TTC7B: variants seen among roughly 807,000 people sequenced by gnomAD.
The protein encoded by TTC7B is tetratricopeptide repeat domain 7B, also known as tetratricopeptide repeat protein 7B.
A neutral mutation model predicts 106.8 loss-of-function variants in TTC7B; 28 were observed. The observed-to-expected ratio is 0.26, with a 90% CI of 0.19 to 0.36. TTC7B has a LOEUF of 0.36. TTC7B is among the 10% of genes least tolerant of loss of function. The pLI is 1.00. For missense variants in TTC7B, 862 were observed against 1,076.4 expected, an observed-to-expected ratio of 0.80 and a Z score of 2.79; for synonymous variants, 405 against 430.6, an observed-to-expected ratio of 0.94 and a Z score of 0.74.
intron 3 of TTC7B, among the ~76,000 whole-genome samples, chr14:90,758,068 G>T (rs1890363345): frequency 6.6e-6 from 1 of 152,030 alleles, no homozygotes; most frequent in Admixed American, 6.5e-5. Context: ...GCCTGTGAGT[G>T]TGAACGCCTC....
At position 90,538,807 on chromosome 14, in the gene TTC7B, A is replaced by T. The variant is rs1889482832; in HGVS notation, c.*2561T>A. ...TGTGCTTGCACTAAGCAAGATGGGA[A>T]ACTGTATGGATTCCTATGATGGAAA... On this transcript the variant is annotated 3_prime_UTR_variant, in exon 20 of 20. Transcript: ENST00000328459. 2 of 152,196 alleles carry T rather than the reference A, an allele frequency of 1.3e-5. No homozygotes were observed. Among genetic ancestry groups the T allele is most frequent in the South Asian group, 4.1e-4 (2 of 4,826 alleles). 9.4% of individuals were successfully genotyped at this position (152,196 alleles called of 1,614,324 possible). A position where few individuals can be genotyped will look rare whatever the true frequency, so the allele number is the denominator to read the frequency against.
chr14:90,660,891 G>A (rs538804449), intron 9 of TTC7B, among the ~76,000 whole-genome samples: 1 of 152,364 alleles, frequency 6.6e-6, no homozygotes, highest in East Asian at 1.9e-4. Context: ...CACAGGGTGG[G>A]CATCCGAAGA....
intron 3 of TTC7B, among the ~76,000 whole-genome samples, chr14:90,777,281 G>A (rs983509892): frequency 6.6e-6 from 1 of 152,070 alleles, no homozygotes; most frequent in Non-Finnish European, 1.5e-5. Context: ...GAGATACTGG[G>A]ATAAAGGGCA....
chr14:90,598,142 C>T (rs1178873573), intron 17 of TTC7B, among the ~76,000 whole-genome samples: 1 of 152,204 alleles, frequency 6.6e-6, no homozygotes, highest in East Asian at 1.9e-4. Context: ...CAATGCGCCT[C>T]TCCCCGCAGT....
chr14:90,787,302 G>A (rs563906240), intron 1 of TTC7B, among the ~76,000 whole-genome samples: 26 of 152,280 alleles, frequency 1.7e-4, no homozygotes, highest in Middle Eastern at 3.4e-3. Context: ...GCAGCTCTTT[G>A]TAATCCACAC....
rs902316634 is a variant in TTC7B at position 90,524,922 on chromosome 14, A to T, written c.*16446T>A. 4 of 152,040 alleles carry T rather than the reference A, an allele frequency of 2.6e-5. No individual in the cohort carries two copies. Among genetic ancestry groups the T allele is most frequent in the Non-Finnish European group, 5.9e-5 (4 of 68,006 alleles). The allele number at this position is 152,040 out of a possible 1,614,324, so 9.4% of individuals were successfully genotyped here. ...AAAAACAAACAAAAAAACAAAAAAC[A>T]GCCTTATGAAGATGTGATTGGCACG... On this transcript the variant is annotated 3_prime_UTR_variant, in exon 20 of 20. Transcript: ENST00000328459.
chr14:90,677,732 A>G (rs1453471666), intron 8 of TTC7B: 1 of 431,974 alleles, frequency 2.3e-6, no homozygotes, highest in Non-Finnish European at 4.6e-6. Context: ...GGCCACACAC[A>G]CACCTTCCCT....
chr14:90,610,920 G>T, intron 16 of TTC7B, 81 bp from the exon 17 acceptor site: 1 of 884,148 alleles, frequency 1.1e-6, no homozygotes, highest in Non-Finnish European at 1.9e-6. Context: ...ACTGACTCCT[G>T]AAGGCCAATG....
Position 90,639,828 on chromosome 14 carries a change from A to G in TTC7B, c.1751+4220T>C, listed in dbSNP as rs76659767. On this transcript the variant is annotated intron_variant, in intron 15 of 19. Transcript: ENST00000328459. ...TTAGTGCATTTACACAATAAATACTATTCATTCATGCAAACCAAAGAGTCA... is the reference window on the plus strand; with the variant it reads ...TTAGTGCATTTACACAATAAATACTGTTCATTCATGCAAACCAAAGAGTCA... Among the ~76,000 whole-genome samples the G allele has an allele frequency of 1.2e-3, 177 of 152,330 alleles. 5 individuals carry two copies. The East Asian group carries it at 0.025, about 22-fold the overall frequency.
chr14:90,679,543 A>G (rs904102417), intron 8 of TTC7B, among the ~76,000 whole-genome samples: 7 of 152,182 alleles, frequency 4.6e-5, no homozygotes, highest in Admixed American at 4.6e-4. Flanking sequence ...GGGCAGTACA[A>G]TCTCCTAGCA....
intron 9 of TTC7B, among the ~76,000 whole-genome samples, chr14:90,659,839 G>A (rs1043397648): frequency 2.0e-5 from 3 of 152,140 alleles, no homozygotes; most frequent in Admixed American, 6.5e-5. Flanking sequence ...CAAGCCTCTC[G>A]CTAACATGAG....
intron 4 of TTC7B, among the ~76,000 whole-genome samples, chr14:90,739,787 T>C (rs1889686644): frequency 6.6e-6 from 1 of 152,176 alleles, no homozygotes; most frequent in African/African-American, 2.4e-5. Context: ...AACCAGCTGG[T>C]TGGCTGATGC....
chr14:90,623,101 C>T (rs1352971965), intron 15 of TTC7B, among the ~76,000 whole-genome samples: 1 of 152,168 alleles, frequency 6.6e-6, no homozygotes, highest in Non-Finnish European at 1.5e-5. Context: ...ATAGCAACTC[C>T]TCACTGAAGC....
rs141904632 is a variant in TTC7B, at chr14:90,593,502, C to T, written c.2091G>A (p.Gln697=). ...GPLHPWMTLA[Q]IWLHAAEVYI... Reference sequence around the variant, plus strand: ...GGAGGGTACCTGCATGGAGCCAGATCTGTGCCAGCGTCATCCAGGGGTGCA... The same window carrying T: ...GGAGGGTACCTGCATGGAGCCAGATTTGTGCCAGCGTCATCCAGGGGTGCA... Residue 697 remains glutamine (Q), a synonymous_variant, in exon 18 of 20, where the codon CAG becomes CAA. Coordinates refer to ENST00000328459, the MANE Select transcript of TTC7B (RefSeq NM_001010854.2). 7 of 1,603,844 alleles carry T rather than the reference C, an allele frequency of 4.4e-6. No individual in the cohort carries two copies. In the African/African-American group the frequency reaches 6.7e-5, roughly 15 times the overall value.
chr14:90,630,188 A>T (rs1884632644), intron 15 of TTC7B, among the ~76,000 whole-genome samples: 1 of 151,954 alleles, frequency 6.6e-6, no homozygotes, highest in African/African-American at 2.4e-5. Flanking sequence ...GTTTCCAGAC[A>T]ATTTTTCATT....
intron 1 of TTC7B, among the ~76,000 whole-genome samples, chr14:90,814,747 A>G (rs1321225018): frequency 1.3e-5 from 2 of 152,160 alleles, no homozygotes; most frequent in African/African-American, 4.8e-5. Flanking sequence ...TGAGCCCGAC[A>G]CGGAGGGCAA....
At chr14:90,586,151 G>A (rs1211785694) in intron 18 of TTC7B, among the ~76,000 whole-genome samples, 2 of 152,176 alleles carry the variant, frequency 1.3e-5, no homozygotes, top group East Asian at 1.9e-4. Flanking sequence ...CCAGGTTCTC[G>A]CCTTCACCGC....
rs2030575331 is a variant in TTC7B, at chr14:90,805,872, C to G, written c.121+10303G>C. Among the ~76,000 whole-genome samples, 1 of 152,196 alleles carries G rather than the reference C, an allele frequency of 6.6e-6. No individual in the cohort carries two copies. Among genetic ancestry groups the G allele is most frequent in the Non-Finnish European group, 1.5e-5 (1 of 68,028 alleles). ...TCAATGCCCAGGGGCACTTGGCCTCCTTGATCCCCCGGGGAAGGTGGGGCT... is the reference window on the plus strand; with the variant it reads ...TCAATGCCCAGGGGCACTTGGCCTCGTTGATCCCCCGGGGAAGGTGGGGCT... On this transcript the variant is annotated intron_variant, in intron 1 of 19. Transcript: ENST00000328459. The surrounding 1 kb of genome is among the most constrained non-coding windows in gnomAD (Gnocchi z 4.0).
chr14:90,764,550 C>A (rs1406902221), intron 3 of TTC7B, among the ~76,000 whole-genome samples: 1 of 151,970 alleles, frequency 6.6e-6, no homozygotes, highest in East Asian at 1.9e-4. Flanking sequence ...AAAATATTTA[C>A]AAACCATATA....
Sources: allele counts gnomAD v4.1 joint callset (sites outside exome capture counted in the v4.1 genomes callset), GRCh38; gene constraint gnomAD v4.1.1; non-coding constraint Gnocchi (gnomAD v3.1); transcripts MANE v1.5; gene names NCBI Gene and HGNC (gene_info 2026-07-23, HGNC 2026-07-21).